Variants in ANO6 observed in about 807,000 individuals in gnomAD.
The protein encoded by ANO6 is anoctamin-6.
A neutral mutation model predicts 117.5 loss-of-function variants in ANO6; 106 were observed. The observed-to-expected ratio is 0.90, with a 90% confidence interval of 0.77 to 1.06. ANO6 has a LOEUF of 1.06. ANO6 is among the 50% of genes least tolerant of loss of function. ANO6 has a pLI of 0.00. For synonymous variants in ANO6, 367 were observed against 385.1 expected (o/e 0.95, Z 0.55); for missense variants, 955 against 1,121.1 (o/e 0.85, Z 2.12).
chr12:45,254,369 T>C (rs1937736459), intron 1 of ANO6, among the ~76,000 whole-genome samples: 1 of 152,158 alleles, frequency 6.6e-6, no homozygotes, highest in Non-Finnish European at 1.5e-5. Context: ...GATGGGGATG[T>C]TGTGGATCAT....
intron 2 of ANO6, among the ~76,000 whole-genome samples, chr12:45,311,911 A>G (rs1258678476): frequency 6.6e-6 from 1 of 152,052 alleles, no homozygotes; most frequent in Non-Finnish European, 1.5e-5. Flanking sequence ...ATGTATTTGC[A>G]TTGCTCCATT....
intron 1 of ANO6, among the ~76,000 whole-genome samples, chr12:45,236,825 A>G (rs1947652861): frequency 6.6e-6 from 1 of 152,166 alleles, no homozygotes; most frequent in Non-Finnish European, 1.5e-5. Flanking sequence ...CAATGGTTGA[A>G]CTAATTTTCA....
intron 9 of ANO6, among the ~76,000 whole-genome samples, chr12:45,373,117 G>A (rs1593029442): frequency 6.6e-6 from 1 of 152,070 alleles, no homozygotes; most frequent in East Asian, 1.9e-4. Flanking sequence ...GACAAAGAAG[G>A]CCATTACATA....
chr12:45,243,244 G>A (rs1947773019), intron 1 of ANO6, among the ~76,000 whole-genome samples: 1 of 152,192 alleles, frequency 6.6e-6, no homozygotes, highest in Non-Finnish European at 1.5e-5. Flanking sequence ...GTTTGAGCCT[G>A]GGAGGTTGAG....
chr12:45,356,404 A>T (rs1941412918), intron 7 of ANO6, among the ~76,000 whole-genome samples: 1 of 152,154 alleles, frequency 6.6e-6, no homozygotes, highest in Non-Finnish European at 1.5e-5. Context: ...ACACACATAC[A>T]GTCGAAAACC....
intron 1 of ANO6, among the ~76,000 whole-genome samples, chr12:45,268,005 A>G (rs1362096529): frequency 6.6e-6 from 1 of 152,188 alleles, no homozygotes; most frequent in Non-Finnish European, 1.5e-5. Flanking sequence ...CTTTAAAATC[A>G]TTTACACAAA....
At chr12:45,341,281 C>T (rs906794982) in intron 3 of ANO6, among the ~76,000 whole-genome samples, 3 of 152,140 alleles carry the variant, frequency 2.0e-5, no homozygotes, top group Non-Finnish European at 4.4e-5. Flanking sequence ...ATTGAATACA[C>T]TCTTTAACAA....
At chr12:45,263,630 A>T (rs1373708566) in intron 1 of ANO6, among the ~76,000 whole-genome samples, 1 of 152,080 alleles carries the variant, frequency 6.6e-6, no homozygotes, top group Non-Finnish European at 1.5e-5. Flanking sequence ...CTTTTTATAG[A>T]TGTGTGTACA....
rs1943606898 is a variant in ANO6 at position 45,430,528 on chromosome 12, C to T, written c.*1217C>T. The T allele has an allele frequency of 1.0e-6, 1 of 985,312 alleles. No homozygotes were observed. The highest frequency in any genetic ancestry group is 1.7e-5 in the African/African-American group (1 of 57,226). The allele number at this position is 985,312 out of a possible 1,614,324, so 61.0% of individuals were successfully genotyped here. A position where few individuals can be genotyped will look rare whatever the true frequency, so the allele number is the denominator to read the frequency against. ...CTCTGGGCCCAGTAATTTGATGTAA[C>T]TGTCTGATTGTACTAGAGACAGGAG... On this transcript the variant is annotated 3_prime_UTR_variant, in exon 20 of 20. Transcript: ENST00000320560.
At chr12:45,374,639 G>C (rs1159765164) in intron 9 of ANO6, among the ~76,000 whole-genome samples, 5 of 124,396 alleles carry the variant, frequency 4.0e-5, no homozygotes, top group Non-Finnish European at 5.0e-5. Context: ...AAAGGCCTTT[G>C]ACAAAATTCA....
chr12:45,303,184 T>C (rs1027348228), intron 2 of ANO6, among the ~76,000 whole-genome samples: 2 of 152,240 alleles, frequency 1.3e-5, no homozygotes, highest in African/African-American at 4.8e-5. Context: ...GATTGCCTAC[T>C]GTGAAAATCA....
chr12:45,410,210 G>A (rs1224332944), intron 16 of ANO6, among the ~76,000 whole-genome samples: 2 of 152,238 alleles, frequency 1.3e-5, no homozygotes, highest in African/African-American at 2.4e-5. Flanking sequence ...CAAGCCTGCA[G>A]GAGCATGCAG....
intron 1 of ANO6, among the ~76,000 whole-genome samples, chr12:45,268,017 G>A (rs1938276118): frequency 6.6e-6 from 1 of 152,194 alleles, no homozygotes; most frequent in Admixed American, 6.5e-5. Context: ...TTACACAAAT[G>A]TTTAAAAAGG....
At chr12:45,230,273 T>G (rs1248768529) in intron 1 of ANO6, among the ~76,000 whole-genome samples, 1 of 152,084 alleles carries the variant, frequency 6.6e-6, no homozygotes, top group African/African-American at 2.4e-5. Flanking sequence ...TAAAAGATAA[T>G]GATTATTGAA....
At chr12:45,291,695 C>G (rs1452836799) in intron 1 of ANO6, among the ~76,000 whole-genome samples, 1 of 151,966 alleles carries the variant, frequency 6.6e-6, no homozygotes, top group Non-Finnish European at 1.5e-5. Context: ...TCTAATAGCA[C>G]AGGAGGGAAT....
chr12:45,221,062 G>GGGCA, intron 1 of ANO6, among the ~76,000 whole-genome samples: 1 of 148,608 alleles, frequency 6.7e-6, no homozygotes, highest in South Asian at 2.1e-4. Flanking sequence ...TCGGAAGTGG[G>GGGCA]GGGGGGCAGC....
intron 1 of ANO6, chr12:45,270,633 G>T (rs1938365286): frequency 2.2e-6 from 1 of 459,170 alleles, no homozygotes; most frequent in Non-Finnish European, 3.8e-6. Flanking sequence ...TGTAACAGTA[G>T]TGGGGTTTCA....
intron 1 of ANO6, among the ~76,000 whole-genome samples, chr12:45,289,569 TAG>T: frequency 6.6e-6 from 1 of 152,338 alleles, no homozygotes; most frequent in Middle Eastern, 3.4e-3. Flanking sequence ...TTGCTAATAT[TAG>T]ATATTAATGA....
At position 45,216,316 on chromosome 12, in the gene ANO6, G is replaced by A. The variant is rs756109025; in HGVS notation, c.-6G>A. On this transcript the variant is annotated 5_prime_UTR_variant, in exon 1 of 20. Coordinates refer to ENST00000320560, the MANE Select transcript of ANO6 (RefSeq NM_001025356.3). ...GCCAAGTTCGGAGCCGCCTTCTGAGGGAGACATGAAAAAGATGAGCAGGAA... is the reference window on the plus strand; with the variant it reads ...GCCAAGTTCGGAGCCGCCTTCTGAGAGAGACATGAAAAAGATGAGCAGGAA... 1 of 1,608,546 alleles carries A rather than the reference G, an allele frequency of 6.2e-7. No homozygotes were observed. Among genetic ancestry groups the A allele is most frequent in the Non-Finnish European group, 8.5e-7 (1 of 1,177,196 alleles).
Sources: allele counts gnomAD v4.1 joint callset (sites outside exome capture counted in the v4.1 genomes callset), GRCh38; gene constraint gnomAD v4.1.1; transcripts MANE v1.5; gene names NCBI Gene and HGNC (gene_info 2026-07-23, HGNC 2026-07-21).